The following MCMBP variants were observed in gnomAD, a reference collection of about 807,000 sequenced individuals.
The protein encoded by MCMBP is minichromosome maintenance complex binding protein, also known as mini-chromosome maintenance complex-binding protein.
In MCMBP, 31 loss-of-function variants were observed where a neutral mutation model predicts 81.3. The ratio of observed to expected loss-of-function variants is 0.38; its 90% CI spans 0.29 to 0.51. The LOEUF (loss-of-function observed/expected upper bound fraction) is 0.51, where lower values mean the gene tolerates loss of function less well. Ranked by LOEUF, MCMBP falls within the 20% of genes least tolerant of loss-of-function variation. The probability of loss-of-function intolerance (pLI) is 0.87; values close to 1 mark genes in which losing one functional copy is unlikely to be tolerated. For synonymous variants in MCMBP, 267 were observed against 275.9 expected (o/e 0.97, Z 0.32); for missense variants, 645 against 772.1 (o/e 0.84, Z 1.95).
rs760967270 is a variant in MCMBP at position 119,853,045 on chromosome 10, A to T, written c.574+5T>A. 6.8e-6 allele frequency: 11 copies of T among 1,614,010 alleles called. No homozygotes were observed. Among genetic ancestry groups the T allele is most frequent in the Non-Finnish European group, 6.8e-6 (8 of 1,179,942 alleles). On this transcript the variant is annotated splice_donor_5th_base_variant and intron_variant, in intron 6 of 15. Coordinates refer to ENST00000369077, the MANE Select transcript of MCMBP (RefSeq NM_001256378.2). ...GTCTAGAGAAAACCTGTTGGCACAC[A>T]CTACCTGCTTGTCTGGCACCTGCAT...
At chr10:119,835,888 G>C (rs58408870) in intron 13 of MCMBP, among the ~76,000 whole-genome samples, 184 bp from the exon 14 acceptor site, 45 of 152,268 alleles carry the variant, frequency 3.0e-4, no homozygotes, top group African/African-American at 1.1e-3. Context: ...ACCCAGGCTG[G>C]AGTGCAGTGG....
chr10:119,853,169 C>T lies in MCMBP; in HGVS notation c.455G>A (p.Arg152Gln), dbSNP rs1206454226. 5.6e-6 allele frequency: 9 copies of T among 1,613,524 alleles called. No individual in the cohort carries two copies. The Admixed American group carries it at 1.0e-4, about 18-fold the overall frequency. Residue 152 changes from arginine (R) to glutamine (Q), a missense_variant, in exon 6 of 16, where the codon CGA (arginine) becomes CAA (glutamine). Arg to Gln is a conservative substitution (Grantham distance 43). Transcript: ENST00000369077. ...AGTGTAGGATGTTGAGGGACTGACT[C>T]GAGCTTGGTTTGCATTAACATAGGC... ...KEAYVNANQA[R>Q]VSPSTSYTPS...
At position 119,853,198 on chromosome 10, in the gene MCMBP, A is replaced by C. The variant is rs778439559; in HGVS notation, c.430-4T>G. The C allele has an allele frequency of 6.2e-7, 1 of 1,611,418 alleles. No individual in the cohort carries two copies. The highest frequency in any genetic ancestry group is 1.7e-5 in the Admixed American group (1 of 59,790). ...CTTGGTTTGCATTAACATAGGCGTT[A>C]AACGAAAAGTTAAGAAAAGACTATC... On this transcript the variant is annotated splice_region_variant and splice_polypyrimidine_tract_variant and intron_variant, in intron 5 of 15. Coordinates refer to ENST00000369077, the MANE Select transcript of MCMBP (RefSeq NM_001256378.2).
In MCMBP at chr10:119,847,549, C is replaced by G. The variant is rs548697365; in HGVS notation, c.827+64G>C. On this transcript the variant is annotated intron_variant, in intron 8 of 15. Coordinates refer to ENST00000369077, the MANE Select transcript of MCMBP (RefSeq NM_001256378.2). ...GGAGTTCTTTAAAACCATCCTGTAA[C>G]TCTCCTGAAAACTTGAAATTATATA... is the stretch of plus-strand genomic sequence containing the variant. The G allele has an allele frequency of 1.1e-4, 110 of 958,722 alleles. No individual in the cohort carries two copies. In the African/African-American group the frequency reaches 1.7e-3, roughly 15 times the overall value. 59.4% of individuals were successfully genotyped at this position (958,722 alleles called of 1,614,324 possible).
intron 5 of MCMBP, 82 bp from the exon 6 acceptor site, chr10:119,853,276 T>G: frequency 2.1e-6 from 3 of 1,414,898 alleles, no homozygotes; most frequent in Non-Finnish European, 2.9e-6. Flanking sequence ...TATAAAAAAT[T>G]ACTAGTTTGG....
chr10:119,864,304 T>C (rs1044978687), intron 1 of MCMBP, among the ~76,000 whole-genome samples: 14 of 152,260 alleles, frequency 9.2e-5, no homozygotes, highest in African/African-American at 3.1e-4. Context: ...AAAAACCTTT[T>C]GTTTTAAAGT....
At chr10:119,845,298 G>A (rs1264743840) in intron 8 of MCMBP, among the ~76,000 whole-genome samples, 1 of 151,852 alleles carries the variant, frequency 6.6e-6, no homozygotes, top group Non-Finnish European at 1.5e-5. Context: ...ATTAATGTCC[G>A]GTATTCAACA....
chr10:119,836,752 T>C (rs1341533003), intron 13 of MCMBP, 144 bp downstream of exon 13: 3 of 716,660 alleles, frequency 4.2e-6, no homozygotes, highest in Non-Finnish European at 6.4e-6. Flanking sequence ...TGATCAGCAG[T>C]CACAGTTTTT....
intron 1 of MCMBP, among the ~76,000 whole-genome samples, chr10:119,862,945 T>C (rs1452485934): frequency 1.3e-5 from 2 of 152,258 alleles, no homozygotes; most frequent in Non-Finnish European, 2.9e-5. Context: ...CATCCTTGTA[T>C]CCTATCTGGT....
Position 119,860,260 on chromosome 10 carries a change from G to GT in MCMBP, c.59-377dup, listed in dbSNP as rs559421003. On this transcript the variant is annotated intron_variant, in intron 1 of 15. Coordinates refer to ENST00000369077, the MANE Select transcript of MCMBP (RefSeq NM_001256378.2). ...TGTTCTTTCAATACATTTTTATGTAGTTTTTTTATCTTTACAACTATCCTG... is the reference window on the plus strand; with the variant it reads ...TGTTCTTTCAATACATTTTTATGTAGTTTTTTTTATCTTTACAACTATCCTG... 1.1e-3 allele frequency among the ~76,000 whole-genome samples: 172 copies of GT among 152,162 alleles called. 4 individuals are homozygous for GT. The South Asian group carries it at 0.033, about 29-fold the overall frequency.
chr10:119,831,709 C>A lies in MCMBP; in HGVS notation c.1797-109G>T, dbSNP rs1041467455. 60 of 1,283,620 alleles carry A rather than the reference C, an allele frequency of 4.7e-5. No individual in the cohort carries two copies. In the African/African-American group the frequency reaches 8.4e-4, roughly 18 times the overall value. 79.5% of individuals were successfully genotyped at this position (1,283,620 alleles called of 1,614,324 possible). A position where few individuals can be genotyped will look rare whatever the true frequency, so the allele number is the denominator to read the frequency against. ...TGAAAACACAGAGCACGTTAGGAGA[C>A]AAGACCGTATGGTAGTTACACACAA... On this transcript the variant is annotated intron_variant, in intron 15 of 15. Transcript: ENST00000369077.
chr10:119,841,101 C>G, intron 10 of MCMBP, 141 bp from the exon 11 acceptor site: 1 of 648,538 alleles, frequency 1.5e-6, no homozygotes, highest in Non-Finnish European at 2.7e-6. Context: ...ATCAGAATAA[C>G]AGCAATAAAA....
Position 119,836,896 on chromosome 10 carries a change from C to A in MCMBP, c.1542G>T (p.Pro514=). The change falls in exon 13 of 16, where the codon CCG becomes CCT. Residue 514 remains proline (P), a splice_region_variant and synonymous_variant. Coordinates refer to ENST00000369077, the MANE Select transcript of MCMBP (RefSeq NM_001256378.2). The stretch of plus-strand genomic sequence containing the variant: ...TCCATTTAAAAATGACTCATCATAC[C>A]GGGAGGAGTGACCTCCCCTCCGAAG... ...FITSEGRSLL[P]ADCQIHLQPQ... is the part of the protein sequence containing the mutation. 1 of 1,605,116 alleles carries A rather than the reference C, an allele frequency of 6.2e-7. No homozygotes were observed. The highest frequency in any genetic ancestry group is 8.5e-7 in the Non-Finnish European group (1 of 1,175,248).
chr10:119,873,520 C>G (rs1853790833), upstream of MCMBP: 1 of 152,238 alleles, frequency 6.6e-6, no homozygotes, highest in Non-Finnish European at 1.5e-5. Flanking sequence ...TGGCAGCCGC[C>G]GTCGGGGAGC....
In MCMBP at chr10:119,831,224, A is replaced by G. The variant is rs1325384952; in HGVS notation, c.*250T>C. The G allele has an allele frequency of 4.1e-6, 1 of 242,330 alleles. No homozygotes were observed. Among genetic ancestry groups the G allele is most frequent in the Non-Finnish European group, 7.8e-6 (1 of 127,996 alleles). The allele number at this position is 242,330 out of a possible 1,614,324, so 15.0% of individuals were successfully genotyped here. ...ATCAATATTAAACTTTTAATATCAA[A>G]TACTTTTTTTACATCATTACTAATT... On this transcript the variant is annotated 3_prime_UTR_variant, in exon 16 of 16. Coordinates refer to ENST00000369077, the MANE Select transcript of MCMBP (RefSeq NM_001256378.2).
At chr10:119,852,671 CCT>C (rs1222092835) in intron 6 of MCMBP, among the ~76,000 whole-genome samples, 1 of 152,096 alleles carries the variant, frequency 6.6e-6, no homozygotes, top group Admixed American at 6.6e-5. Context: ...GGAGTGAAAC[CCT>C]GTCTCAAAAC....
intron 10 of MCMBP, among the ~76,000 whole-genome samples, chr10:119,842,156 T>C (rs1852456430): frequency 6.6e-6 from 1 of 152,182 alleles, no homozygotes; most frequent in African/African-American, 2.4e-5. Context: ...AACGGTTTCA[T>C]ACTGAAACCA....
intron 1 of MCMBP, among the ~76,000 whole-genome samples, chr10:119,863,956 C>T (rs1459542291): frequency 1.3e-5 from 2 of 150,728 alleles, no homozygotes. Context: ...AGATATGTTA[C>T]ATAGGAATTA....
At chr10:119,867,292 CAAAAAAAAA>C (rs372338008) in intron 1 of MCMBP, among the ~76,000 whole-genome samples, 54 of 48,730 alleles carry the variant, frequency 1.1e-3, no homozygotes, top group African/African-American at 4.7e-3. Flanking sequence ...GACTCCATCT[CAAAAAAAAA>C]AAAAAAAAAA....
Sources: allele counts gnomAD v4.1 joint callset (sites outside exome capture counted in the v4.1 genomes callset), GRCh38; gene constraint gnomAD v4.1.1; transcripts MANE v1.5; gene names NCBI Gene and HGNC (gene_info 2026-07-23, HGNC 2026-07-21).